Variants in ARMC8 observed in about 807,000 individuals in gnomAD.
ARMC8 encodes armadillo repeat containing 8.
Under a neutral mutation model 99.3 loss-of-function variants are expected in ARMC8, and 20 were observed. That is an observed-to-expected ratio of 0.20 (90% CI 0.14 to 0.29). The LOEUF (loss-of-function observed/expected upper bound fraction) is 0.29, where lower values mean the gene tolerates loss of function less well. Among genes scored for constraint, ARMC8 ranks in the 10% least tolerant of loss-of-function variants. The pLI is 1.00. For missense variants in ARMC8, 569 were observed against 809.5 expected, an observed-to-expected ratio of 0.70 and a Z score of 3.60; for synonymous variants, 263 against 278.3, an observed-to-expected ratio of 0.95 and a Z score of 0.55.
At chr3:138,187,904 A>G (rs935093796) in intron 1 of ARMC8, 9 of 450,040 alleles carry the variant, frequency 2.0e-5, no homozygotes, top group African/African-American at 8.1e-5. Flanking sequence ...GACTTTGCCA[A>G]GCGTTTCACT....
chr3:138,266,618 C>A (rs943644825), intron 14 of ARMC8, among the ~76,000 whole-genome samples: 1 of 152,132 alleles, frequency 6.6e-6, no homozygotes, highest in African/African-American at 2.4e-5. Flanking sequence ...AATACAGGCT[C>A]AGGCTAGTTA....
chr3:138,259,078 A>G (rs1003554327), intron 12 of ARMC8, among the ~76,000 whole-genome samples: 2 of 152,200 alleles, frequency 1.3e-5, no homozygotes, highest in African/African-American at 4.8e-5. Flanking sequence ...GGAAGGACCT[A>G]AGATGCTTTT....
chr3:138,232,998 T>C (rs189031895), intron 6 of ARMC8, among the ~76,000 whole-genome samples: 1 of 152,348 alleles, frequency 6.6e-6, no homozygotes, highest in East Asian at 1.9e-4. Flanking sequence ...AGGCTAATTT[T>C]GGCTTATCTT....
intron 1 of ARMC8, among the ~76,000 whole-genome samples, chr3:138,207,634 T>G (rs79835427): frequency 0.012 from 1,787 of 152,314 alleles, 15 homozygotes; most frequent in Non-Finnish European, 0.019. Flanking sequence ...GTGGCAAAAC[T>G]TACCTGTTTG....
Position 138,285,354 on chromosome 3 carries a change from C to T in ARMC8, c.1821+828C>T, listed in dbSNP as rs926674803. ...TCCTTGTTATACCTTGAATAAAGTT[C>T]GTATGCCTTTATGATGGCCTGTCAA... is the stretch of plus-strand genomic sequence containing the variant. On this transcript the variant is annotated intron_variant, in intron 19 of 21. Coordinates refer to ENST00000469044, the MANE Select transcript of ARMC8 (RefSeq NM_001363941.2). Among the ~76,000 whole-genome samples, 5 of 152,286 alleles carry T rather than the reference C, an allele frequency of 3.3e-5. No individual in the cohort carries two copies. In the South Asian group the frequency reaches 6.2e-4, roughly 19 times the overall value.
intron 11 of ARMC8, among the ~76,000 whole-genome samples, chr3:138,244,711 A>G (rs1032354398): frequency 2.6e-5 from 4 of 152,248 alleles, no homozygotes; most frequent in Admixed American, 6.5e-5. Context: ...AGAGAAGTCC[A>G]GGTGTGCCTT....
chr3:138,287,487 G>T, intron 19 of ARMC8: 17 of 336,732 alleles, frequency 5.0e-5, no homozygotes, highest in South Asian at 1.2e-4. Context: ...AGTAATTTGT[G>T]TCCTTAAAAA....
At chr3:138,190,754 C>G (rs924743436) in intron 1 of ARMC8, among the ~76,000 whole-genome samples, 2 of 152,180 alleles carry the variant, frequency 1.3e-5, no homozygotes, top group Non-Finnish European at 2.9e-5. Flanking sequence ...CTACTTTGAG[C>G]TTCTGCCATT....
chr3:138,252,480 G>T (rs1190667681), intron 12 of ARMC8, among the ~76,000 whole-genome samples: 1 of 149,658 alleles, frequency 6.7e-6, no homozygotes, highest in Non-Finnish European at 1.5e-5. Context: ...TTGAGACGGG[G>T]TCTCGCACTG....
intron 12 of ARMC8, among the ~76,000 whole-genome samples, chr3:138,259,767 A>G (rs1332516761): frequency 6.6e-6 from 1 of 152,230 alleles, no homozygotes; most frequent in African/African-American, 2.4e-5. Flanking sequence ...TCTCCAAAGT[A>G]TCAGGGACCA....
At chr3:138,209,193 C>T (rs550171555) in intron 1 of ARMC8, among the ~76,000 whole-genome samples, 2 of 152,314 alleles carry the variant, frequency 1.3e-5, no homozygotes, top group Admixed American at 6.5e-5. Context: ...ATTAATTATA[C>T]GTACATGACA....
At chr3:138,262,683 T>TAAA in intron 12 of ARMC8, 2 of 1,052,602 alleles carry the variant, frequency 1.9e-6, no homozygotes, top group Non-Finnish European at 1.2e-6. Context: ...GACATAGGAT[T>TAAA]AAAAAAAAAA....
rs572940042 is a variant in ARMC8 at position 138,246,337 on chromosome 3, GA to G, written c.1134+1158del. The G allele has an allele frequency of 1.2e-4, 118 of 985,388 alleles. 1 individual carries two copies. In the East Asian group the frequency reaches 6.5e-3, roughly 54 times the overall value. 61.0% of individuals were successfully genotyped at this position (985,388 alleles called of 1,614,324 possible). ...TGAAGTGTTTTTAGTGTATCCCTAT[GA>G]AAATCATTTTTGGTACATCTAAGTT... On this transcript the variant is annotated intron_variant, in intron 12 of 21. Transcript: ENST00000469044.
At chr3:138,252,608 C>T (rs912126470) in intron 12 of ARMC8, among the ~76,000 whole-genome samples, 1 of 151,874 alleles carries the variant, frequency 6.6e-6, no homozygotes, top group Non-Finnish European at 1.5e-5. Context: ...CGCCCGCCAC[C>T]ACGCCTGGCT....
At chr3:138,270,986 T>C (rs2048735852) in intron 16 of ARMC8, among the ~76,000 whole-genome samples, 1 of 152,192 alleles carries the variant, frequency 6.6e-6, no homozygotes, top group Non-Finnish European at 1.5e-5. Context: ...TATATTCACT[T>C]TACAAATGGG....
chr3:138,287,910 T>C (rs942539987), intron 19 of ARMC8: 1 of 239,994 alleles, frequency 4.2e-6, no homozygotes, highest in Non-Finnish European at 8.4e-6. Flanking sequence ...TATTTTATTA[T>C]TGAGTCCTTT....
chr3:138,228,969 A>T lies in ARMC8; in HGVS notation c.487A>T (p.Thr163Ser), dbSNP rs942459218. 6.2e-7 allele frequency: 1 copy of T among 1,609,976 alleles called. No homozygotes were observed. Reference protein sequence around the residue: ...LMALLSRSRYTQEYICQIFSH... With the variant: ...LMALLSRSRYSQEYICQIFSH... ...GGCACTGCTTAGCAGGTCCCGCTATACCCAGGAGTACATCTGTCAGATCTT... is the reference window on the plus strand; with the variant it reads ...GGCACTGCTTAGCAGGTCCCGCTATTCCCAGGAGTACATCTGTCAGATCTT... Residue 163 changes from threonine (T) to serine (S), a missense_variant, in exon 6 of 22, where the codon ACC becomes TCC. Thr to Ser is a moderately conservative substitution (Grantham distance 58). Coordinates refer to ENST00000469044, the MANE Select transcript of ARMC8 (RefSeq NM_001363941.2).
chr3:138,226,779 A>G (rs1388896610), intron 5 of ARMC8, among the ~76,000 whole-genome samples: 1 of 152,192 alleles, frequency 6.6e-6, no homozygotes. Flanking sequence ...TTGATGACCT[A>G]CTAATGGATC....
chr3:138,281,800 A>G (rs1278379347), intron 18 of ARMC8, among the ~76,000 whole-genome samples: 5 of 152,160 alleles, frequency 3.3e-5, no homozygotes. Flanking sequence ...ATTCCCCTTT[A>G]TATTCTGTTT....
Sources: allele counts gnomAD v4.1 joint callset (sites outside exome capture counted in the v4.1 genomes callset), GRCh38; gene constraint gnomAD v4.1.1; transcripts MANE v1.5; gene names NCBI Gene and HGNC (gene_info 2026-07-23, HGNC 2026-07-21).